KCTD8: variants seen among roughly 807,000 people sequenced by gnomAD.
The protein encoded by KCTD8 is BTB/POZ domain-containing protein KCTD8.
Under a neutral mutation model 31.5 loss-of-function variants are expected in KCTD8, and 27 were observed. The ratio of observed to expected loss-of-function variants is 0.86; its 90% CI spans 0.63 to 1.18. The LOEUF (loss-of-function observed/expected upper bound fraction) is 1.18, where lower values mean the gene tolerates loss of function less well. KCTD8 is among the 50% of genes most tolerant of loss of function. The pLI is 0.00. For synonymous variants in KCTD8, 290 were observed against 280.0 expected, an observed-to-expected ratio of 1.04 and a Z score of -0.36; for missense variants, 658 against 647.7, an observed-to-expected ratio of 1.02 and a Z score of -0.17.
chr4:44,270,513 C>T (rs1388797345), intron 1 of KCTD8, among the ~76,000 whole-genome samples: 1 of 151,712 alleles, frequency 6.6e-6, no homozygotes, highest in Admixed American at 6.6e-5. Flanking sequence ...GCACATTGTG[C>T]ACATGTACCC....
intron 1 of KCTD8, among the ~76,000 whole-genome samples, chr4:44,342,819 A>G (rs959292692): frequency 6.6e-6 from 1 of 152,180 alleles, no homozygotes; most frequent in Admixed American, 6.5e-5. Flanking sequence ...CTTTTATGCT[A>G]TGAAGGTGGC....
chr4:44,182,715 C>A (rs901132038), intron 1 of KCTD8, among the ~76,000 whole-genome samples: 3 of 152,116 alleles, frequency 2.0e-5, no homozygotes, highest in African/African-American at 7.2e-5. Flanking sequence ...TATGTGCTGA[C>A]CTTCCCTCCA....
chr4:44,342,202 T>C (rs1361444744), intron 1 of KCTD8, among the ~76,000 whole-genome samples: 1 of 151,904 alleles, frequency 6.6e-6, no homozygotes, highest in African/African-American at 2.4e-5. Context: ...AAACCCCGTC[T>C]CTACTAAAAA....
chr4:44,373,085 C>T (rs1056526314), intron 1 of KCTD8, among the ~76,000 whole-genome samples: 6 of 152,098 alleles, frequency 3.9e-5, no homozygotes, highest in African/African-American at 1.4e-4. Context: ...TCAATAGAGG[C>T]CGGGCGCAGT....
chr4:44,256,469 T>C (rs1250104296), intron 1 of KCTD8, among the ~76,000 whole-genome samples: 2 of 151,926 alleles, frequency 1.3e-5, no homozygotes, highest in African/African-American at 4.8e-5. Flanking sequence ...TCCAAATATA[T>C]AGTAAATATA....
At chr4:44,296,605 T>C (rs893193001) in intron 1 of KCTD8, among the ~76,000 whole-genome samples, 1 of 152,120 alleles carries the variant, frequency 6.6e-6, no homozygotes, top group African/African-American at 2.4e-5. Flanking sequence ...ATATAATTAG[T>C]AGACTATTTT....
chr4:44,269,731 G>T (rs1023854598), intron 1 of KCTD8, among the ~76,000 whole-genome samples: 1 of 151,896 alleles, frequency 6.6e-6, no homozygotes, highest in South Asian at 2.1e-4. Context: ...GTGGGCAAAG[G>T]ATATGAACAG....
chr4:44,285,090 A>T (rs1199344881), intron 1 of KCTD8, among the ~76,000 whole-genome samples: 1 of 152,184 alleles, frequency 6.6e-6, no homozygotes, highest in Non-Finnish European at 1.5e-5. Context: ...TAGAACCAGA[A>T]ATACCATTTG....
intron 1 of KCTD8, among the ~76,000 whole-genome samples, chr4:44,402,711 G>T (rs1285869536): frequency 6.6e-6 from 1 of 152,132 alleles, no homozygotes; most frequent in African/African-American, 2.4e-5. Flanking sequence ...TTTCCACATT[G>T]ACTCTGTCCC....
At chr4:44,390,762 A>C (rs878891889) in intron 1 of KCTD8, among the ~76,000 whole-genome samples, 1 of 151,964 alleles carries the variant, frequency 6.6e-6, no homozygotes, top group Admixed American at 6.6e-5. Flanking sequence ...AAAGGAGTTA[A>C]TGTGGTAAAA....
intron 1 of KCTD8, among the ~76,000 whole-genome samples, chr4:44,325,827 G>C (rs149280101): frequency 6.6e-6 from 1 of 151,800 alleles, no homozygotes; most frequent in Admixed American, 6.6e-5. Context: ...ATTCACAGGG[G>C]ATATAATCGA....
At chr4:44,219,558 G>A (rs1348932865) in intron 1 of KCTD8, among the ~76,000 whole-genome samples, 2 of 152,134 alleles carry the variant, frequency 1.3e-5, no homozygotes, top group African/African-American at 4.8e-5. Context: ...GAAAGTCAAG[G>A]AATGCCAAGG....
At chr4:44,334,707 C>T (rs889595270) in intron 1 of KCTD8, among the ~76,000 whole-genome samples, 1 of 151,960 alleles carries the variant, frequency 6.6e-6, no homozygotes, top group African/African-American at 2.4e-5. Context: ...AGGATATAAA[C>T]TAATGTACAT....
intron 1 of KCTD8, among the ~76,000 whole-genome samples, chr4:44,269,073 T>G (rs946440154): frequency 1.5e-4 from 23 of 151,914 alleles, no homozygotes; most frequent in South Asian, 2.1e-4. Context: ...AAAAGAGCCC[T>G]CATTGCCAAG....
At chr4:44,351,989 G>T (rs1241198874) in intron 1 of KCTD8, among the ~76,000 whole-genome samples, 4 of 151,782 alleles carry the variant, frequency 2.6e-5, no homozygotes, top group South Asian at 2.1e-4. Flanking sequence ...TTATTTATTG[G>T]TAATGAATAT....
intron 1 of KCTD8, among the ~76,000 whole-genome samples, chr4:44,188,357 C>G (rs527365683): frequency 6.6e-6 from 1 of 152,306 alleles, no homozygotes; most frequent in East Asian, 1.9e-4. Context: ...AAGTGCCCAG[C>G]TTTTGAATAG....
intron 1 of KCTD8, among the ~76,000 whole-genome samples, chr4:44,296,583 A>G (rs761926622): frequency 1.3e-5 from 2 of 152,120 alleles, no homozygotes; most frequent in African/African-American, 4.8e-5. Context: ...TATCTCAGAC[A>G]CTGAAACACC....
rs574882652 is a variant in KCTD8 at position 44,325,518 on chromosome 4, G to T, written c.961+122045C>A. On this transcript the variant is annotated intron_variant, in intron 1 of 1. Coordinates refer to ENST00000360029, the MANE Select transcript of KCTD8 (RefSeq NM_198353.3). ...TAACTGGATTGTTTGTAACTGAAAGGATACATGCTTGAGGGAATGGATACC... is the reference window on the plus strand; with the variant it reads ...TAACTGGATTGTTTGTAACTGAAAGTATACATGCTTGAGGGAATGGATACC... Among the ~76,000 whole-genome samples, 4 of 151,848 alleles carry T rather than the reference G, an allele frequency of 2.6e-5. No homozygotes were observed. The South Asian group carries it at 8.3e-4, about 32-fold the overall frequency.
At chr4:44,354,492 G>A (rs16856858) in intron 1 of KCTD8, among the ~76,000 whole-genome samples, 4,262 of 152,058 alleles carry the variant, frequency 0.028, 210 homozygotes, top group African/African-American at 0.098. Flanking sequence ...GATCACATCC[G>A]TACGGTCCAT....
Sources: allele counts gnomAD v4.1 joint callset (sites outside exome capture counted in the v4.1 genomes callset), GRCh38; gene constraint gnomAD v4.1.1; transcripts MANE v1.5; gene names NCBI Gene and HGNC (gene_info 2026-07-23, HGNC 2026-07-21).